Variants in GORASP2 observed in about 807,000 individuals in gnomAD.
GORASP2 encodes Golgi reassembly-stacking protein 2.
In GORASP2, 22 loss-of-function variants were observed where a neutral mutation model predicts 45.7. That is an observed-to-expected ratio of 0.48 (90% CI 0.34 to 0.69). GORASP2 has a LOEUF of 0.69. Ranked by LOEUF, GORASP2 falls within the 30% of genes least tolerant of loss-of-function variation. GORASP2 has a pLI of 0.01. For synonymous variants in GORASP2, 221 were observed against 215.6 expected, an observed-to-expected ratio of 1.02 and a Z score of -0.22; for missense variants, 491 against 562.7, an observed-to-expected ratio of 0.87 and a Z score of 1.29.
Position 170,956,477 on chromosome 2 carries a change from A to G in GORASP2, c.741A>G (p.Pro247=). The G allele has an allele frequency of 6.2e-7, 1 of 1,613,236 alleles. No homozygotes were observed. Among genetic ancestry groups the G allele is most frequent in the Non-Finnish European group, 8.5e-7 (1 of 1,179,400 alleles). The change falls in exon 7 of 10, where the codon CCA becomes CCG. Residue 247 remains proline, a synonymous_variant. Coordinates refer to ENST00000234160, the MANE Select transcript of GORASP2 (RefSeq NM_015530.5). ...TTAATCCCCCGTCTTTGTCACCACCAGGAACTACAGGAATTGAACAGAGTC... is the reference window on the plus strand; with the variant it reads ...TTAATCCCCCGTCTTTGTCACCACCGGGAACTACAGGAATTGAACAGAGTC... The part of the protein sequence containing the change: ...SSVNPPSLSP[P]GTTGIEQSLT...
upstream of GORASP2, chr2:170,928,800 C>G (rs1703738533): frequency 6.6e-6 from 1 of 152,366 alleles, no homozygotes; most frequent in African/African-American, 2.4e-5. Context: ...GCTAGGCAGC[C>G]CACAGGAGGC....
At chr2:170,933,451 T>G (rs965313150) in intron 1 of GORASP2, among the ~76,000 whole-genome samples, 1 of 152,088 alleles carries the variant, frequency 6.6e-6, no homozygotes, top group Non-Finnish European at 1.5e-5. Flanking sequence ...ATCCAACAGG[T>G]GAGAAATTGT....
rs1188106320 is a variant in GORASP2 at position 170,949,642 on chromosome 2, C to T, written c.248C>T (p.Ser83Leu). The stretch of plus-strand genomic sequence containing the variant: ...AAAACATTGGAACTGCGAGAGACCT[C>T]AGTCACACCAAGTAACCTGTGGGGC... ...SSKTLELRET[S>L]VTPSNLWGGQ... The change falls in exon 3 of 10, where the codon TCA becomes TTA. Residue 83 changes from serine to leucine, a missense_variant. Physicochemically the swap from Ser to Leu is moderately radical, Grantham distance 145. This residue lies in a region of GORASP2 where 194 missense variants were observed against 270.4 expected (regional missense o/e 0.72). Coordinates refer to ENST00000234160, the MANE Select transcript of GORASP2 (RefSeq NM_015530.5). The T allele has an allele frequency of 2.5e-6, 4 of 1,613,932 alleles. No individual in the cohort carries two copies. The highest frequency in any genetic ancestry group is 1.3e-5 in the African/African-American group (1 of 74,910).
At chr2:170,949,492 C>A (rs1351398084) in intron 2 of GORASP2, 47 bp from the exon 3 acceptor site, 1 of 1,390,614 alleles carries the variant, frequency 7.2e-7, no homozygotes, top group Non-Finnish European at 1.0e-6. Context: ...CTTAAGCTAA[C>A]ATTAAATTTT....
chr2:170,952,382 G>A (rs1350707124), intron 5 of GORASP2, among the ~76,000 whole-genome samples: 1 of 152,204 alleles, frequency 6.6e-6, no homozygotes, highest in Non-Finnish European at 1.5e-5. Flanking sequence ...GGCCCATACA[G>A]AACATTTTCG....
chr2:170,938,088 A>C (rs1345344466), intron 1 of GORASP2, among the ~76,000 whole-genome samples: 1 of 152,250 alleles, frequency 6.6e-6, no homozygotes. Context: ...AAAACAATTG[A>C]GCATTATTAA....
At chr2:170,961,778 T>A in intron 8 of GORASP2, 29 bp downstream of exon 8, 2 of 1,081,260 alleles carry the variant, frequency 1.8e-6, no homozygotes, top group South Asian at 2.5e-5. Context: ...GAGATGTGGC[T>A]GATAATAACA....
In GORASP2 at chr2:170,962,822, T is replaced by G; in HGVS notation, c.911-17T>G. On this transcript the variant is annotated splice_polypyrimidine_tract_variant and intron_variant, in intron 8 of 9. Transcript: ENST00000234160. The stretch of plus-strand genomic sequence containing the variant: ...GTCAAGTGATTTCTCTTTTTTTCTT[T>G]TCTGCCTTCTCTTCAGGTCTGATGC... The G allele has an allele frequency of 6.4e-7, 1 of 1,551,680 alleles. No homozygotes were observed. The highest frequency in any genetic ancestry group is 1.4e-5 in the African/African-American group (1 of 73,740).
At chr2:170,964,892 ATTTTTTTTTTTTTTTTTT>A (rs1199571345) in intron 9 of GORASP2, among the ~76,000 whole-genome samples, 1 of 64,702 alleles carries the variant, frequency 1.5e-5, no homozygotes. Flanking sequence ...ATGCATTTTA[ATTTTTTTTTTTTTTTTTT>A]TTTTTTTTTG....
chr2:170,936,695 T>C (rs1703966365), intron 1 of GORASP2: 3 of 1,233,444 alleles, frequency 2.4e-6, no homozygotes, highest in Non-Finnish European at 2.2e-6. Context: ...GGTGTGCACC[T>C]GTAATCCCAG....
At chr2:170,964,352 G>T (rs1041605199) in intron 9 of GORASP2, among the ~76,000 whole-genome samples, 2 of 152,178 alleles carry the variant, frequency 1.3e-5, no homozygotes, top group Non-Finnish European at 2.9e-5. Context: ...CAGGCCAAAG[G>T]TTTAAAAATG....
intron 1 of GORASP2, among the ~76,000 whole-genome samples, chr2:170,947,099 C>G (rs1212247872): frequency 4.6e-5 from 7 of 151,908 alleles, no homozygotes; most frequent in Admixed American, 4.6e-4. Context: ...ATGGAGAAAC[C>G]CTTTGAGAAT....
chr2:170,944,449 CAGAG>C (rs1162521097), intron 1 of GORASP2, among the ~76,000 whole-genome samples: 1 of 151,992 alleles, frequency 6.6e-6, no homozygotes, highest in African/African-American at 2.4e-5. Flanking sequence ...CCATTAGAAA[CAGAG>C]AGGAAATCGA....
At chr2:170,935,434 T>C (rs993577241) in intron 1 of GORASP2, among the ~76,000 whole-genome samples, 1 of 152,038 alleles carries the variant, frequency 6.6e-6, no homozygotes, top group African/African-American at 2.4e-5. Flanking sequence ...TTTGTATTTT[T>C]AGTAGAGACA....
intron 9 of GORASP2, among the ~76,000 whole-genome samples, chr2:170,964,892 A>ATT (rs1199571345): frequency 0.19 from 12,167 of 64,992 alleles, 2,421 homozygotes; most frequent in Non-Finnish European, 0.22. Flanking sequence ...ATGCATTTTA[A>ATT]TTTTTTTTTT....
Position 170,966,356 on chromosome 2 carries a change from A to G in GORASP2, c.*226A>G, listed in dbSNP as rs1037496877. 8.9e-6 allele frequency: 5 copies of G among 564,766 alleles called. No homozygotes were observed. Among genetic ancestry groups the G allele is most frequent in the African/African-American group, 3.8e-5 (2 of 52,934 alleles). The allele number at this position is 564,766 out of a possible 1,614,324, so 35.0% of individuals were successfully genotyped here. ...AAAGCGCTTGTATTTTAAACAACCAAAAAGAATTGTAAGGGTGGCTTGCTG... is the reference window on the plus strand; with the variant it reads ...AAAGCGCTTGTATTTTAAACAACCAGAAAGAATTGTAAGGGTGGCTTGCTG... On this transcript the variant is annotated 3_prime_UTR_variant, in exon 10 of 10. Transcript: ENST00000234160.
chr2:170,939,878 A>G (rs1294045466), intron 1 of GORASP2, among the ~76,000 whole-genome samples: 3 of 152,170 alleles, frequency 2.0e-5, no homozygotes, highest in Non-Finnish European at 4.4e-5. Context: ...ACGCACACAT[A>G]TAGTGCATGA....
intron 7 of GORASP2, among the ~76,000 whole-genome samples, chr2:170,958,227 A>G (rs534126754): frequency 6.6e-6 from 1 of 152,186 alleles, no homozygotes; most frequent in South Asian, 2.1e-4. Flanking sequence ...TCAATTATCA[A>G]TATTGGGATA....
intron 6 of GORASP2, among the ~76,000 whole-genome samples, chr2:170,956,162 G>A (rs1438353143): frequency 6.6e-6 from 1 of 152,166 alleles, no homozygotes; most frequent in African/African-American, 2.4e-5. Context: ...ATCTCTTCTA[G>A]TGTGGAAGTA....
Sources: allele counts gnomAD v4.1 joint callset (sites outside exome capture counted in the v4.1 genomes callset), GRCh38; gene constraint gnomAD v4.1.1; regional missense constraint gnomAD v4.1.1; transcripts MANE v1.5; gene names NCBI Gene and HGNC (gene_info 2026-07-23, HGNC 2026-07-21).